Variants in MYO16 observed in about 807,000 individuals in gnomAD.
MYO16 encodes myosin XVI.
In MYO16, 94 loss-of-function variants were observed where a neutral mutation model predicts 205.3. The observed-to-expected ratio is 0.46, with a 90% CI of 0.39 to 0.54. The LOEUF is 0.54. Ranked by LOEUF, MYO16 falls within the 20% of genes least tolerant of loss-of-function variation. The pLI is 0.00. For synonymous variants in MYO16, 988 were observed against 954.0 expected (o/e 1.04, Z -0.66); for missense variants, 2,315 against 2,387.5 (o/e 0.97, Z 0.63).
At chr13:108,696,392 CT>C (rs1883090752) in intron 2 of MYO16, among the ~76,000 whole-genome samples, 1 of 152,122 alleles carries the variant, frequency 6.6e-6, no homozygotes, top group Non-Finnish European at 1.5e-5. Context: ...TAATGGAATC[CT>C]ACACAGCCAA....
chr13:108,528,269 C>CA, the MYO16 span, among the ~76,000 whole-genome samples: 1 of 151,976 alleles, frequency 6.6e-6, no homozygotes, highest in Non-Finnish European at 1.5e-5. Flanking sequence ...AGCTGAAGGA[C>CA]AAAATCTCAA....
chr13:108,575,674 G>A, the MYO16 span, among the ~76,000 whole-genome samples: 1 of 152,088 alleles, frequency 6.6e-6, no homozygotes, highest in Non-Finnish European at 1.5e-5. Flanking sequence ...ACCAGTTATT[G>A]GTATTCTGCT....
chr13:108,547,917 T>C, the MYO16 span, among the ~76,000 whole-genome samples: 1 of 152,186 alleles, frequency 6.6e-6, no homozygotes, highest in African/African-American at 2.4e-5. Flanking sequence ...TACAACATTA[T>C]GTATACTTTC....
chr13:109,120,904 G>T (rs572896225), intron 29 of MYO16, among the ~76,000 whole-genome samples: 1 of 152,184 alleles, frequency 6.6e-6, no homozygotes, highest in Admixed American at 6.6e-5. Flanking sequence ...GTCTTAATTA[G>T]TCAAGCATGG....
rs772505530 is a variant in MYO16, at chr13:109,125,105, A to G, written c.3536-7A>G. The G allele has an allele frequency of 6.2e-7, 1 of 1,613,880 alleles. No homozygotes were observed. The highest frequency in any genetic ancestry group is 8.5e-7 in the Non-Finnish European group (1 of 1,179,886). Reference sequence around the variant, plus strand: ...CCATTTACTAACCCATGATCCTTCTATAAAAGTTATCAGAGGATTTTTAGC... The same window carrying G: ...CCATTTACTAACCCATGATCCTTCTGTAAAAGTTATCAGAGGATTTTTAGC... On this transcript the variant is annotated splice_polypyrimidine_tract_variant and splice_region_variant and intron_variant, in intron 29 of 34. Transcript: ENST00000457511. The surrounding 1 kb of genome is among the most constrained non-coding windows in gnomAD (Gnocchi z 4.0).
chr13:108,518,740 C>A, the MYO16 span, among the ~76,000 whole-genome samples: 1 of 152,020 alleles, frequency 6.6e-6, no homozygotes, highest in Non-Finnish European at 1.5e-5. Context: ...AAATGTTGGG[C>A]AAAATCACAT....
chr13:108,604,114 G>A (rs549661935), intron 1 of MYO16, among the ~76,000 whole-genome samples: 3 of 152,188 alleles, frequency 2.0e-5, no homozygotes, highest in South Asian at 4.1e-4. Context: ...GATCTTGTAA[G>A]AACTCACTCA....
chr13:108,674,943 C>T (rs1332858012), intron 2 of MYO16, among the ~76,000 whole-genome samples: 1 of 152,222 alleles, frequency 6.6e-6, no homozygotes, highest in South Asian at 2.1e-4. Context: ...CTGTCTGCAT[C>T]TTCCCTGTTC....
At chr13:108,740,943 A>G (rs886373605) in intron 4 of MYO16, among the ~76,000 whole-genome samples, 1 of 152,110 alleles carries the variant, frequency 6.6e-6, no homozygotes, top group Non-Finnish European at 1.5e-5. Flanking sequence ...CATGTTGGGG[A>G]TATAATCTCC....
At chr13:108,718,268 T>C (rs1481698649) in intron 3 of MYO16, among the ~76,000 whole-genome samples, 1 of 152,122 alleles carries the variant, frequency 6.6e-6, no homozygotes, top group Admixed American at 6.5e-5. Context: ...TGTGTGGAAG[T>C]TGTCCACCAG....
At chr13:108,923,478 A>G (rs1379983716) in intron 16 of MYO16, among the ~76,000 whole-genome samples, 2 of 152,246 alleles carry the variant, frequency 1.3e-5, no homozygotes, top group Non-Finnish European at 2.9e-5. Flanking sequence ...CAGACTGGTA[A>G]GGGCAGTGGG....
intron 13 of MYO16, among the ~76,000 whole-genome samples, chr13:108,886,023 T>C (rs914345153): frequency 3.3e-5 from 5 of 152,136 alleles, no homozygotes; most frequent in Admixed American, 1.3e-4. Flanking sequence ...AGTCTCGCTC[T>C]GTCGCCCAGG....
chr13:108,594,610 G>A (rs933220370), upstream of MYO16, among the ~76,000 whole-genome samples: 3 of 152,178 alleles, frequency 2.0e-5, no homozygotes, highest in African/African-American at 4.8e-5. Context: ...ACCTGCACTG[G>A]AATTCCTCAA....
At chr13:108,778,035 C>T (rs1193764145) in intron 4 of MYO16, among the ~76,000 whole-genome samples, 2 of 152,144 alleles carry the variant, frequency 1.3e-5, no homozygotes, top group Non-Finnish European at 2.9e-5. Context: ...AGATATATGT[C>T]ATATAAATGT....
rs1265410369 is a variant in MYO16, at chr13:109,019,827, G to A, written c.2712G>A (p.Val904=). The A allele has an allele frequency of 2.5e-6, 4 of 1,613,952 alleles. No individual in the cohort carries two copies. Among genetic ancestry groups the A allele is most frequent in the South Asian group, 1.1e-5 (1 of 91,074 alleles). Residue 904 remains valine (V), a synonymous_variant, in exon 23 of 35, where the codon GTG becomes GTA. Coordinates refer to ENST00000457511, the MANE Select transcript of MYO16 (RefSeq NM_001198950.3). The part of the protein sequence containing the change: ...SLLESSNTNA[V]YSPMKDGNGN... ...TAGAATCCTCAAACACAAATGCGGT[G>A]TACTCCCCCATGAAGGATGGGAATG...
chr13:108,989,862 AT>A (rs1490308244), intron 20 of MYO16, among the ~76,000 whole-genome samples: 1 of 152,048 alleles, frequency 6.6e-6, no homozygotes, highest in East Asian at 1.9e-4. Flanking sequence ...TAAAAAACTT[AT>A]TTTTTAAAAA....
chr13:108,616,669 A>C (rs1408478989), intron 1 of MYO16, among the ~76,000 whole-genome samples: 1 of 152,164 alleles, frequency 6.6e-6, no homozygotes, highest in Non-Finnish European at 1.5e-5. Context: ...TTACTGCTCT[A>C]AGTGCATTAA....
chr13:108,814,683 T>C (rs1271597559), intron 7 of MYO16, among the ~76,000 whole-genome samples: 1 of 152,042 alleles, frequency 6.6e-6, no homozygotes, highest in Non-Finnish European at 1.5e-5. Flanking sequence ...AAATAATTTG[T>C]GTTCTGCAAA....
chr13:109,023,471 C>T (rs1434395367), intron 23 of MYO16, among the ~76,000 whole-genome samples: 22 of 96,470 alleles, frequency 2.3e-4, no homozygotes, highest in African/African-American at 9.8e-4. Context: ...ATATATTATA[C>T]AGATATAAAT....
Sources: gnomAD v4.1 joint callset for allele counts (sites outside exome capture counted in the v4.1 genomes callset) on GRCh38, gnomAD v4.1.1 for gene constraint, Gnocchi (gnomAD v3.1) non-coding constraint, MANE v1.5 for transcripts, NCBI Gene and HGNC (gene_info 2026-07-23, HGNC 2026-07-21) for gene names.